The following NR5A2 variants were observed in gnomAD, a reference collection of about 807,000 sequenced individuals.
NR5A2 encodes the protein CYP7A promoter-binding factor.
In NR5A2, 26 loss-of-function variants were observed where a neutral mutation model predicts 62.7. The ratio of observed to expected loss-of-function variants is 0.41; its 90% confidence interval spans 0.30 to 0.58. The LOEUF is 0.58. Ranked by LOEUF, NR5A2 falls within the 20% of genes least tolerant of loss-of-function variation. The pLI is 0.22. For synonymous variants in NR5A2, 246 were observed against 241.7 expected (o/e 1.02, Z -0.16); for missense variants, 541 against 669.1 (o/e 0.81, Z 2.11).
intron 5 of NR5A2, among the ~76,000 whole-genome samples, chr1:200,076,430 T>C (rs1664041449): frequency 6.6e-6 from 1 of 151,352 alleles, no homozygotes; most frequent in South Asian, 2.1e-4. Flanking sequence ...TGGAAAAGAA[T>C]GTAAGCAGTG....
intron 5 of NR5A2, among the ~76,000 whole-genome samples, chr1:200,102,668 T>C (rs771114432): frequency 6.6e-6 from 1 of 152,188 alleles, no homozygotes; most frequent in Non-Finnish European, 1.5e-5. Context: ...TCCCAATTTA[T>C]GAAGTTCCCA....
At position 200,095,953 on chromosome 1, in the gene NR5A2, G is replaced by T. The variant is rs375759602; in HGVS notation, c.1111-15249G>T. ...TACTAGATGGGCCTGAAAATGCTTT[G>T]GTTCTCTAACTTGTGTGTAATGGCC... is the stretch of plus-strand genomic sequence containing the variant. On this transcript the variant is annotated intron_variant, in intron 5 of 7. Transcript: ENST00000367362. Among the ~76,000 whole-genome samples, 42 of 152,198 alleles carry T rather than the reference G, an allele frequency of 2.8e-4. No homozygotes were observed. In the East Asian group the frequency reaches 4.0e-3, roughly 15 times the overall value.
At chr1:200,149,915 C>T (rs1652980936) in intron 7 of NR5A2, among the ~76,000 whole-genome samples, 1 of 152,084 alleles carries the variant, frequency 6.6e-6, no homozygotes, top group Admixed American at 6.6e-5. Context: ...GCTTGAATCC[C>T]CTATGGCATT....
At chr1:200,101,357 T>G (rs762721835) in intron 5 of NR5A2, among the ~76,000 whole-genome samples, 5 of 152,186 alleles carry the variant, frequency 3.3e-5, no homozygotes, top group Non-Finnish European at 7.4e-5. Context: ...ATTCCTAGGT[T>G]AAACATGCCC....
At chr1:200,112,645 TCTGGTCCTTG>T (rs1330537315) in intron 6 of NR5A2, among the ~76,000 whole-genome samples, 1 of 152,232 alleles carries the variant, frequency 6.6e-6, no homozygotes, top group Non-Finnish European at 1.5e-5. Flanking sequence ...TCCATCACTA[TCTGGTCCTTG>T]CTATCTGCAC....
rs66507419 is a variant in NR5A2 at position 200,130,278 on chromosome 1, GGAAGAAGAAGAA to G, written c.1378+9357_1378+9368del. Among the ~76,000 whole-genome samples the G allele has an allele frequency of 1.7e-3, 182 of 106,522 alleles. 3 individuals are homozygous for G. In the South Asian group the frequency reaches 0.021, roughly 13 times the overall value. The allele number at this position is 106,522 out of a possible 152,430, so 69.9% of individuals were successfully genotyped here. ...GAGATCTGCTTGCAGGAACTAACTA[GGAAGAAGAAGAA>G]GAAGAAGAAGAAGAAGAAGAAGAAG... On this transcript the variant is annotated intron_variant, in intron 7 of 7. Transcript: ENST00000367362.
intron 5 of NR5A2, among the ~76,000 whole-genome samples, chr1:200,067,450 C>T (rs1018567072): frequency 2.0e-5 from 3 of 152,052 alleles, no homozygotes; most frequent in Non-Finnish European, 2.9e-5. Flanking sequence ...CAGCTACTCA[C>T]GAGGCTGAGG....
chr1:200,056,652 G>A (rs1662928644), intron 5 of NR5A2, among the ~76,000 whole-genome samples: 1 of 152,102 alleles, frequency 6.6e-6, no homozygotes, highest in African/African-American at 2.4e-5. Context: ...CAGCGTAGTT[G>A]AGCACTAATA....
chr1:200,068,365 C>G (rs930636643), intron 5 of NR5A2, among the ~76,000 whole-genome samples: 6 of 152,156 alleles, frequency 3.9e-5, no homozygotes, highest in African/African-American at 1.2e-4. Flanking sequence ...AGTGTTTCAT[C>G]TATTATAATT....
intron 5 of NR5A2, among the ~76,000 whole-genome samples, chr1:200,081,983 A>G (rs1664317000): frequency 6.6e-6 from 1 of 152,048 alleles, no homozygotes; most frequent in Non-Finnish European, 1.5e-5. Context: ...GGGTCACCGC[A>G]GTGTCAGTGG....
chr1:200,133,747 A>G (rs1259493055), intron 7 of NR5A2, among the ~76,000 whole-genome samples: 1 of 151,808 alleles, frequency 6.6e-6, no homozygotes, highest in Non-Finnish European at 1.5e-5. Flanking sequence ...AAGTTATTTT[A>G]GAGCATATTC....
At chr1:200,106,613 A>C (rs1558142425) in intron 5 of NR5A2, among the ~76,000 whole-genome samples, 2 of 152,212 alleles carry the variant, frequency 1.3e-5, no homozygotes, top group Non-Finnish European at 2.9e-5. Context: ...TGTGGAACTT[A>C]AACTTCTTTG....
At chr1:200,145,499 T>C (rs1667659465) in intron 7 of NR5A2, among the ~76,000 whole-genome samples, 1 of 147,916 alleles carries the variant, frequency 6.8e-6, no homozygotes, top group Non-Finnish European at 1.5e-5. Context: ...TGTGTGTGTG[T>C]GTGTGTGTGT....
chr1:200,028,930 G>A, intron 1 of NR5A2: 1 of 334,502 alleles, frequency 3.0e-6, no homozygotes, highest in Non-Finnish European at 6.0e-6. Context: ...ACACCCTAAA[G>A]TATATCACTT....
At chr1:200,134,476 C>A (rs1293061621) in intron 7 of NR5A2, among the ~76,000 whole-genome samples, 1 of 152,200 alleles carries the variant, frequency 6.6e-6, no homozygotes, top group Non-Finnish European at 1.5e-5. Context: ...AGTACAGTGA[C>A]ACGCTGTATA....
In NR5A2 at chr1:200,174,352, T is replaced by A. The variant is rs986314754; in HGVS notation, c.*142T>A. 4.4e-5 allele frequency: 34 copies of A among 780,644 alleles called. No individual in the cohort carries two copies. The African/African-American group carries it at 5.0e-4, about 11-fold the overall frequency. The allele number at this position is 780,644 out of a possible 1,614,324, so 48.4% of individuals were successfully genotyped here. ...AAACTTGCTTTAAAGATATTGAATT[T>A]AAAAAGGCATAATAATCAAATACTT... On this transcript the variant is annotated 3_prime_UTR_variant, in exon 8 of 8. Transcript: ENST00000367362.
chr1:200,080,945 T>A (rs1664265991), intron 5 of NR5A2, among the ~76,000 whole-genome samples: 1 of 152,198 alleles, frequency 6.6e-6, no homozygotes, highest in African/African-American at 2.4e-5. Flanking sequence ...ATTACACAGA[T>A]GTCCTTTTCT....
rs1438028527 is a variant in NR5A2 at position 200,176,823 on chromosome 1, T to C, written c.*2613T>C. On this transcript the variant is annotated 3_prime_UTR_variant, in exon 8 of 8. Coordinates refer to ENST00000367362, the MANE Select transcript of NR5A2 (RefSeq NM_205860.3). ...TGGCTACGTTGACTCTTAAAATCTA[T>C]GTTCTCTTATTTTAAAGATACAGTG... The C allele has an allele frequency of 1.3e-5, 2 of 152,078 alleles. No homozygotes were observed. Among genetic ancestry groups the C allele is most frequent in the African/African-American group, 4.8e-5 (2 of 41,386 alleles). The allele number at this position is 152,078 out of a possible 1,614,324, so 9.4% of individuals were successfully genotyped here.
At chr1:200,035,575 T>G (rs966248274) in intron 1 of NR5A2, among the ~76,000 whole-genome samples, 34 of 152,134 alleles carry the variant, frequency 2.2e-4, no homozygotes, top group Non-Finnish European at 4.1e-4. Flanking sequence ...AGTTGCATCC[T>G]CGCGAGTGGG....
Sources: gnomAD v4.1 joint callset for allele counts (sites outside exome capture counted in the v4.1 genomes callset) on GRCh38, gnomAD v4.1.1 for gene constraint, MANE v1.5 for transcripts, NCBI Gene and HGNC (gene_info 2026-07-23, HGNC 2026-07-21) for gene names.